The following RBM27 variants were observed in gnomAD, a reference collection of about 807,000 sequenced individuals.
RBM27 encodes the protein RNA-binding protein 27.
RBM27 carries 22 observed loss-of-function variants against 135.3 expected under a neutral mutation model. The ratio of observed to expected loss-of-function variants is 0.16; its 90% confidence interval spans 0.12 to 0.23. The LOEUF (loss-of-function observed/expected upper bound fraction) is 0.23, where lower values mean the gene tolerates loss of function less well. Among genes scored for constraint, RBM27 ranks in the 10% least tolerant of loss-of-function variants. RBM27 has a pLI of 1.00. For synonymous variants in RBM27, 481 were observed against 442.4 expected, an observed-to-expected ratio of 1.09 and a Z score of -1.10; for missense variants, 1,009 against 1,281.0, an observed-to-expected ratio of 0.79 and a Z score of 3.24.
Position 146,229,808 on chromosome 5 carries a change from A to G in RBM27, c.487A>G (p.Arg163Gly), listed in dbSNP as rs754464746. 1.9e-6 allele frequency: 3 copies of G among 1,613,978 alleles called. No individual in the cohort carries two copies. The highest frequency in any genetic ancestry group is 2.5e-6 in the Non-Finnish European group (3 of 1,179,974). Reference sequence around the variant, plus strand: ...ATTGTACCGTGAGAAGTATGACTGGAGAAGAGGCAGGAGTAAGAGTCGGAG... The same window carrying G: ...ATTGTACCGTGAGAAGTATGACTGGGGAAGAGGCAGGAGTAAGAGTCGGAG... ...NELYREKYDW[R>G]RGRSKSRSKS... is the part of the protein sequence containing the mutation. The change falls in exon 5 of 21, where the codon AGA becomes GGA. Residue 163 changes from arginine (R) to glycine (G), a missense_variant. By Grantham distance (125) the Arg-to-Gly change is moderately radical (BLOSUM62 -2). Around this residue, in one of 6 missense-constraint regions of RBM27, gnomAD observed 268 missense variants for 326.6 expected, o/e 0.82. Coordinates refer to ENST00000265271, the MANE Select transcript of RBM27 (RefSeq NM_018989.2).
intron 1 of RBM27, among the ~76,000 whole-genome samples, chr5:146,216,897 G>T (rs1196527451): frequency 1.3e-5 from 2 of 152,122 alleles, no homozygotes; most frequent in South Asian, 2.1e-4. Context: ...GGCTTAAGCA[G>T]CCAGCCTTGG....
At position 146,239,775 on chromosome 5, in the gene RBM27, C is replaced by CT. The variant is rs754481130; in HGVS notation, c.1279+2362dup. Among the ~76,000 whole-genome samples, 558 of 119,380 alleles carry CT rather than the reference C, an allele frequency of 4.7e-3. 6 individuals are homozygous for CT. Among genetic ancestry groups the CT allele is most frequent in the Non-Finnish European group, 4.6e-3 (263 of 56,862 alleles). The allele number at this position is 119,380 out of a possible 152,430, so 78.3% of individuals were successfully genotyped here. Reference sequence around the variant, plus strand: ...ACAGGTGTGAGCCACCACGCCTGGACTTTTTTTTTTTTTTTTTTTGAGACA... The same window carrying CT: ...ACAGGTGTGAGCCACCACGCCTGGACTTTTTTTTTTTTTTTTTTTTGAGACA... On this transcript the variant is annotated intron_variant, in intron 8 of 20. Transcript: ENST00000265271.
intron 19 of RBM27, among the ~76,000 whole-genome samples, chr5:146,277,837 A>G (rs1759160596): frequency 6.6e-6 from 1 of 151,508 alleles, no homozygotes. Context: ...CTGGCCAATA[A>G]TTTTTCATTA....
rs1759641074 is a variant in RBM27 at position 146,287,755 on chromosome 5, G to T, written c.*1725G>T. 1 of 152,038 alleles carries T rather than the reference G, an allele frequency of 6.6e-6. No individual in the cohort carries two copies. The highest frequency in any genetic ancestry group is 2.4e-5 in the African/African-American group (1 of 41,408). The allele number at this position is 152,038 out of a possible 1,614,324, so 9.4% of individuals were successfully genotyped here. On this transcript the variant is annotated 3_prime_UTR_variant, in exon 21 of 21. Transcript: ENST00000265271. ...TCATATAATTTTCTTTCATAATAAT[G>T]AGGACTTCCTTTTTCTAGGTTATTG...
At chr5:146,260,995 C>A in intron 12 of RBM27, 97 bp downstream of exon 12, 1 of 1,193,194 alleles carries the variant, frequency 8.4e-7, no homozygotes. Flanking sequence ...AGTGGTTATT[C>A]TGATCATCTC....
chr5:146,213,481 T>A lies in RBM27; in HGVS notation c.60-5504T>A, dbSNP rs376574628. On this transcript the variant is annotated intron_variant, in intron 1 of 20. Transcript: ENST00000265271. The stretch of plus-strand genomic sequence containing the variant: ...TTTTAAGCTGTGGCTCAGAAGCACA[T>A]GTATTAGTTGTTTCACCTCTGAAAG... Among the ~76,000 whole-genome samples, 3 of 152,046 alleles carry A rather than the reference T, an allele frequency of 2.0e-5. No individual in the cohort carries two copies. The South Asian group carries it at 6.2e-4, about 32-fold the overall frequency.
rs1170430801 is a variant in RBM27, at chr5:146,261,774, G to C, written c.2158G>C (p.Ala720Pro). 3.7e-6 allele frequency: 6 copies of C among 1,614,166 alleles called. No homozygotes were observed. Among genetic ancestry groups the C allele is most frequent in the Non-Finnish European group, 5.1e-6 (6 of 1,180,024 alleles). ...HQQQVLVAQS[A>P]PSTVHGGIQK... ...GCAGCAGGTGCTAGTGGCCCAGTCT[G>C]CTCCTTCAACAGTGCACGGAGGTAT... is the stretch of plus-strand genomic sequence containing the variant. Residue 720 changes from alanine to proline, a missense_variant, in exon 13 of 21, where the codon GCT becomes CCT. Physicochemically the swap from Ala to Pro is conservative, Grantham distance 27 (BLOSUM62 -1). Coordinates refer to ENST00000265271, the MANE Select transcript of RBM27 (RefSeq NM_018989.2).
At chr5:146,215,166 C>T (rs181748831) in intron 1 of RBM27, among the ~76,000 whole-genome samples, 58 of 152,300 alleles carry the variant, frequency 3.8e-4, no homozygotes, top group Admixed American at 7.8e-4. Flanking sequence ...TCTCCTGCCT[C>T]AGCCACCCAA....
intron 2 of RBM27, among the ~76,000 whole-genome samples, chr5:146,221,032 A>G (rs1382578530): frequency 6.6e-6 from 1 of 152,070 alleles, no homozygotes; most frequent in Non-Finnish European, 1.5e-5. Context: ...CCTGGCTAAC[A>G]GGGTGAAAAC....
intron 1 of RBM27, among the ~76,000 whole-genome samples, chr5:146,209,458 T>C (rs1755846600): frequency 6.6e-6 from 1 of 152,152 alleles, no homozygotes; most frequent in Non-Finnish European, 1.5e-5. Flanking sequence ...TGGAGAGTGA[T>C]AGAAAAGGCA....
intron 18 of RBM27, 135 bp from the exon 19 acceptor site, chr5:146,271,348 C>A (rs977441290): frequency 5.7e-5 from 46 of 806,606 alleles, no homozygotes; most frequent in Middle Eastern, 3.8e-4. Flanking sequence ...TGCAGTGAGC[C>A]GAGATCGTGC....
At chr5:146,236,564 T>C (rs1757169345) in intron 7 of RBM27, among the ~76,000 whole-genome samples, 1 of 152,228 alleles carries the variant, frequency 6.6e-6, no homozygotes, top group Non-Finnish European at 1.5e-5. Flanking sequence ...AATTCTTTAA[T>C]TCTATTCAGA....
chr5:146,232,252 A>C (rs1394536597), intron 6 of RBM27, among the ~76,000 whole-genome samples: 1 of 152,120 alleles, frequency 6.6e-6, no homozygotes, highest in African/African-American at 2.4e-5. Flanking sequence ...TTTACATTTT[A>C]CTTATTTTAA....
At chr5:146,218,936 T>A (rs761248691) in intron 1 of RBM27, 49 bp from the exon 2 acceptor site, 2 of 1,229,470 alleles carry the variant, frequency 1.6e-6, no homozygotes, top group Non-Finnish European at 2.3e-6. Context: ...ACACTACTGT[T>A]TGATAAAAAG....
At chr5:146,211,252 C>A (rs1207774334) in intron 1 of RBM27, among the ~76,000 whole-genome samples, 1 of 152,054 alleles carries the variant, frequency 6.6e-6, no homozygotes, top group Non-Finnish European at 1.5e-5. Flanking sequence ...TGTACTCCAG[C>A]CTGGGCAACA....
intron 1 of RBM27, among the ~76,000 whole-genome samples, chr5:146,212,744 T>G (rs2126687711): frequency 6.7e-6 from 1 of 148,838 alleles, no homozygotes; most frequent in South Asian, 2.2e-4. Flanking sequence ...GAGTCTTGCT[T>G]TATTGCCCAG....
chr5:146,224,662 A>G (rs1756589839), intron 3 of RBM27, among the ~76,000 whole-genome samples: 1 of 152,142 alleles, frequency 6.6e-6, no homozygotes, highest in Admixed American at 6.5e-5. Context: ...AGCCTGGGCA[A>G]TAAGAGCAAA....
intron 3 of RBM27, among the ~76,000 whole-genome samples, chr5:146,226,119 C>T (rs1207636873): frequency 1.3e-5 from 2 of 150,456 alleles, no homozygotes; most frequent in African/African-American, 2.4e-5. Flanking sequence ...CTGTTTGCCT[C>T]GGCCTCCCAA....
At chr5:146,208,669 A>G (rs536541262) in intron 1 of RBM27, among the ~76,000 whole-genome samples, 28 of 152,186 alleles carry the variant, frequency 1.8e-4, no homozygotes, top group Non-Finnish European at 3.1e-4. Context: ...TTTCTGTCAG[A>G]AATAACTGCT....
Sources: allele counts gnomAD v4.1 joint callset (sites outside exome capture counted in the v4.1 genomes callset), GRCh38; gene constraint gnomAD v4.1.1; regional missense constraint gnomAD v4.1.1; transcripts MANE v1.5; gene names NCBI Gene and HGNC (gene_info 2026-07-23, HGNC 2026-07-21).